MID1: variants seen among roughly 807,000 people sequenced by gnomAD.
MID1 encodes the protein E3 ubiquitin-protein ligase Midline-1.
In MID1, 7 loss-of-function variants were observed where a neutral mutation model predicts 40.4. The ratio of observed to expected loss-of-function variants is 0.17; its 90% CI spans 0.10 to 0.33. The LOEUF is 0.33. Ranked by LOEUF, MID1 falls within the 10% of genes least tolerant of loss-of-function variation. The pLI is 1.00. For synonymous variants in MID1, 229 were observed against 221.2 expected (o/e 1.04, Z -0.31); for missense variants, 367 against 558.5 (o/e 0.66, Z 3.46).
At chrX:10,718,151 G>A (rs1318449884) in intron 1 of MID1, among the ~76,000 whole-genome samples, 1 of 111,324 alleles carries the variant, frequency 9.0e-6, no homozygotes, top group Non-Finnish European at 1.9e-5. Flanking sequence ...AAAAGCAAGA[G>A]CAAACACATT....
intron 1 of MID1, among the ~76,000 whole-genome samples, chrX:10,592,982 T>C (rs1038593662): frequency 8.9e-5 from 10 of 112,232 alleles, no homozygotes; most frequent in African/African-American, 3.2e-4. Context: ...TGATCATAAA[T>C]AGAGATGACG....
chrX:10,522,498 T>C (rs1027950843), intron 3 of MID1, among the ~76,000 whole-genome samples: 6 of 112,299 alleles, frequency 5.3e-5, no homozygotes, highest in African/African-American at 1.6e-4. Context: ...AGTACACTAA[T>C]ACAATACCTT....
At chrX:10,629,537 T>C (rs936190836) in intron 1 of MID1, among the ~76,000 whole-genome samples, 5 of 111,942 alleles carry the variant, frequency 4.5e-5, no homozygotes, top group Admixed American at 9.5e-5. Context: ...TAAATGGCTC[T>C]CCAAATTTGG....
chrX:10,715,766 C>G (rs1298193051), intron 1 of MID1, among the ~76,000 whole-genome samples: 1 of 111,891 alleles, frequency 8.9e-6, no homozygotes, highest in Admixed American at 9.4e-5. Context: ...GTCCTTGACC[C>G]CCAAGTAGCC....
intron 1 of MID1, among the ~76,000 whole-genome samples, chrX:10,597,565 C>T (rs1935436400): frequency 8.9e-6 from 1 of 112,082 alleles, no homozygotes; most frequent in Non-Finnish European, 1.9e-5. Flanking sequence ...AAAAACCTTA[C>T]TCTTTTTATG....
chrX:10,554,871 A>G (rs1392046611), intron 2 of MID1, among the ~76,000 whole-genome samples: 3 of 111,556 alleles, frequency 2.7e-5, no homozygotes, highest in Non-Finnish European at 1.9e-5. Flanking sequence ...ACTGAGCTCT[A>G]AACAGCTGTG....
intron 1 of MID1, among the ~76,000 whole-genome samples, chrX:10,811,343 A>G (rs2044099714): frequency 8.9e-6 from 1 of 112,270 alleles, no homozygotes; most frequent in African/African-American, 3.2e-5. Flanking sequence ...TTTGTATAGT[A>G]GTTGCTATGA....
chrX:10,649,464 G>T lies in MID1; in HGVS notation c.-186-29045C>A, dbSNP rs777404128. On this transcript the variant is annotated intron_variant, in intron 1 of 10. Coordinates refer to the MID1 transcript ENST00000380785. ...TTCTAGTTGGATCACATTACAACAT[G>T]TGAGCAAGCAAAATGTGTGTGCCCA... is the stretch of plus-strand genomic sequence containing the variant. 2.3e-4 allele frequency among the ~76,000 whole-genome samples: 26 copies of T among 112,167 alleles called. No individual in the cohort carries two copies. The South Asian group carries it at 3.0e-3, about 13-fold the overall frequency.
intron 1 of MID1, among the ~76,000 whole-genome samples, chrX:10,569,949 C>T (rs1330394293): frequency 8.9e-6 from 1 of 111,936 alleles, no homozygotes; most frequent in Non-Finnish European, 1.9e-5. Flanking sequence ...TCTAAATGGT[C>T]TCTTGGCTTC....
intron 1 of MID1, among the ~76,000 whole-genome samples, chrX:10,617,951 T>C (rs1352070367): frequency 8.9e-6 from 1 of 112,795 alleles, no homozygotes; most frequent in East Asian, 2.8e-4. Flanking sequence ...CCTCAAAGAA[T>C]ACTATCCTTC....
chrX:10,467,793 T>C (rs1304921112), intron 7 of MID1, among the ~76,000 whole-genome samples: 1 of 112,154 alleles, frequency 8.9e-6, no homozygotes, highest in Admixed American at 9.5e-5. Context: ...ATTAAGAACA[T>C]GTGCTTTTTG....
At chrX:10,635,909 G>T (rs1322205461) in intron 1 of MID1, among the ~76,000 whole-genome samples, 3 of 111,975 alleles carry the variant, frequency 2.7e-5, no homozygotes, top group Non-Finnish European at 5.6e-5. Context: ...TGAAGAAACT[G>T]GTTTCATTCT....
Position 10,448,238 on chromosome X carries a change from A to T in MID1, c.*1130T>A, listed in dbSNP as rs1191399219. On this transcript the variant is annotated 3_prime_UTR_variant, in exon 10 of 10. Coordinates refer to ENST00000317552, the MANE Select transcript of MID1 (RefSeq NM_000381.4). Reference sequence around the variant, plus strand: ...TAACTTTTGAGGCATGAATCTAGCAAATAGTACTTTATACAATGTCCCTTG... The same window carrying T: ...TAACTTTTGAGGCATGAATCTAGCATATAGTACTTTATACAATGTCCCTTG... The T allele has an allele frequency of 9.0e-6, 1 of 111,269 alleles. No individual in the cohort carries two copies. Among genetic ancestry groups the T allele is most frequent in the African/African-American group, 3.3e-5 (1 of 30,498 alleles). The allele number at this position is 111,269 out of a possible 1,213,427, so 9.2% of individuals were successfully genotyped here.
intron 1 of MID1, among the ~76,000 whole-genome samples, chrX:10,820,894 A>C (rs1016951763): frequency 4.4e-5 from 5 of 112,623 alleles, no homozygotes; most frequent in African/African-American, 6.5e-5. Flanking sequence ...TGTGTGATTG[A>C]CTATAACATG....
chrX:10,622,642 C>T (rs1168102067), upstream of MID1, among the ~76,000 whole-genome samples: 7 of 111,742 alleles, frequency 6.3e-5, no homozygotes, highest in Admixed American at 4.7e-4. Flanking sequence ...AGAGAGCCCT[C>T]GCCAGACACC....
intron 1 of MID1, among the ~76,000 whole-genome samples, chrX:10,832,139 T>C (rs1017445618): frequency 8.9e-6 from 1 of 112,753 alleles, no homozygotes; most frequent in African/African-American, 3.2e-5. Context: ...AGAATTTTAT[T>C]TACTAAAGTG....
chrX:10,550,759 T>A (rs1933874485), intron 2 of MID1, among the ~76,000 whole-genome samples: 1 of 111,743 alleles, frequency 8.9e-6, no homozygotes, highest in Non-Finnish European at 1.9e-5. Context: ...GGCTGTTCTG[T>A]GCATTCAGGA....
chrX:10,676,750 G>A (rs895626290), intron 1 of MID1, among the ~76,000 whole-genome samples: 2 of 111,543 alleles, frequency 1.8e-5, no homozygotes, highest in East Asian at 2.8e-4. Flanking sequence ...AGGGGTGGAA[G>A]GGGGGTGTTT....
chrX:10,501,531 C>T, intron 3 of MID1: 2 of 1,153,220 alleles, frequency 1.7e-6, no homozygotes, highest in Non-Finnish European at 2.3e-6. Context: ...CTGCTTCTCT[C>T]TGCCAATGAC....
Sources: gnomAD v4.1 joint callset for allele counts (sites outside exome capture counted in the v4.1 genomes callset) on GRCh38, gnomAD v4.1.1 for gene constraint, MANE v1.5 for transcripts, NCBI Gene and HGNC (gene_info 2026-07-23, HGNC 2026-07-21) for gene names.